PRKCE: variants seen among roughly 807,000 people sequenced by gnomAD.
PRKCE encodes protein kinase C epsilon type.
In PRKCE, 16 loss-of-function variants were observed where a neutral mutation model predicts 85.4. The ratio of observed to expected loss-of-function variants is 0.19; its 90% CI spans 0.13 to 0.28. PRKCE has a LOEUF of 0.28. PRKCE is among the 10% of genes least tolerant of loss of function. PRKCE has a pLI of 1.00. For missense variants in PRKCE, 573 were observed against 975.2 expected, an observed-to-expected ratio of 0.59 and a Z score of 5.49; for synonymous variants, 388 against 371.5, an observed-to-expected ratio of 1.04 and a Z score of -0.51.
At chr2:46,040,017 C>T (rs1486657442) in intron 10 of PRKCE, among the ~76,000 whole-genome samples, 1 of 152,178 alleles carries the variant, frequency 6.6e-6, no homozygotes, top group South Asian at 2.1e-4. Context: ...GAGGGGAGGA[C>T]ATTTAATTTG....
intron 1 of PRKCE, among the ~76,000 whole-genome samples, chr2:45,731,466 GAA>G (rs1300325414): frequency 6.6e-6 from 1 of 152,106 alleles, no homozygotes; most frequent in African/African-American, 2.4e-5. Flanking sequence ...GTCTCTTCAG[GAA>G]ACTGGGAGAA....
At chr2:45,922,974 T>G (rs1345762373) in intron 2 of PRKCE, among the ~76,000 whole-genome samples, 1 of 152,204 alleles carries the variant, frequency 6.6e-6, no homozygotes, top group Non-Finnish European at 1.5e-5. Context: ...TTTACAGGGC[T>G]TGACGATTAT....
intron 10 of PRKCE, among the ~76,000 whole-genome samples, chr2:46,070,371 C>T (rs566157507): frequency 7.2e-5 from 11 of 152,308 alleles, no homozygotes; most frequent in East Asian, 1.9e-4. Flanking sequence ...TGGCTGGGCG[C>T]GGTGGCGCAT....
intron 2 of PRKCE, among the ~76,000 whole-genome samples, chr2:45,918,832 A>G (rs1698030895): frequency 1.3e-5 from 2 of 152,170 alleles, no homozygotes; most frequent in South Asian, 4.1e-4. Flanking sequence ...ACTAGTTTGT[A>G]TTTTGCAGAA....
At chr2:45,885,870 A>G (rs894702167) in intron 2 of PRKCE, among the ~76,000 whole-genome samples, 9 of 152,220 alleles carry the variant, frequency 5.9e-5, no homozygotes, top group South Asian at 2.1e-4. Context: ...GCAAAATCTT[A>G]TTTTAAGTGC....
intron 1 of PRKCE, among the ~76,000 whole-genome samples, chr2:45,802,956 G>A (rs1252028108): frequency 6.6e-6 from 1 of 152,158 alleles, no homozygotes; most frequent in Non-Finnish European, 1.5e-5. Flanking sequence ...CCTTTTTACC[G>A]AGGAAGGCCC....
chr2:45,808,455 G>A (rs1363774152), intron 1 of PRKCE, among the ~76,000 whole-genome samples: 1 of 152,158 alleles, frequency 6.6e-6, no homozygotes, highest in African/African-American at 2.4e-5. Flanking sequence ...TCACATCATT[G>A]GAGGAAACTC....
At chr2:46,064,378 T>C (rs561187076) in intron 10 of PRKCE, among the ~76,000 whole-genome samples, 1 of 152,160 alleles carries the variant, frequency 6.6e-6, no homozygotes, top group South Asian at 2.1e-4. Flanking sequence ...TATTTGCAAA[T>C]GAAGTTCATA....
rs1018639633 is a variant in PRKCE, at chr2:45,789,976, C to T, written c.349-53024C>T. On this transcript the variant is annotated intron_variant, in intron 1 of 14. Coordinates refer to ENST00000306156, the MANE Select transcript of PRKCE (RefSeq NM_005400.3). Reference sequence around the variant, plus strand: ...GAAGGAAAGAAGAGCTTTGATCAAACGCCTGGGACACCAAAGATTTATCTC... The same window carrying T: ...GAAGGAAAGAAGAGCTTTGATCAAATGCCTGGGACACCAAAGATTTATCTC... Among the ~76,000 whole-genome samples, 8 of 152,096 alleles carry T rather than the reference C, an allele frequency of 5.3e-5. 1 individual carries two copies. The highest frequency in any genetic ancestry group is 5.2e-4 in the Admixed American group (8 of 15,272).
intron 2 of PRKCE, among the ~76,000 whole-genome samples, chr2:45,861,012 C>T (rs1355764941): frequency 2.0e-5 from 3 of 152,180 alleles, no homozygotes; most frequent in Non-Finnish European, 4.4e-5. Flanking sequence ...GTTGCAGTAA[C>T]ACTTTCACTT....
At chr2:46,101,910 C>G (rs1671276914) in intron 11 of PRKCE, among the ~76,000 whole-genome samples, 1 of 147,334 alleles carries the variant, frequency 6.8e-6, no homozygotes, top group Non-Finnish European at 1.5e-5. Context: ...GTAGCATTAA[C>G]TGATTTCTAT....
chr2:45,833,775 A>G (rs777930911), intron 1 of PRKCE, among the ~76,000 whole-genome samples: 6 of 152,254 alleles, frequency 3.9e-5, no homozygotes, highest in Admixed American at 3.9e-4. Flanking sequence ...AAAATGCAAA[A>G]TGTGAAATGC....
At chr2:45,929,859 G>A (rs1698905258) in intron 2 of PRKCE, among the ~76,000 whole-genome samples, 1 of 152,066 alleles carries the variant, frequency 6.6e-6, no homozygotes, top group Non-Finnish European at 1.5e-5. Context: ...CATGTTTAGT[G>A]CCTGCATTTC....
In PRKCE at chr2:45,881,770, C is replaced by G. The variant is rs187345332; in HGVS notation, c.412+38707C>G. Among the ~76,000 whole-genome samples the G allele has an allele frequency of 4.6e-5, 7 of 152,340 alleles. No individual in the cohort carries two copies. The East Asian group carries it at 1.4e-3, about 29-fold the overall frequency. On this transcript the variant is annotated intron_variant, in intron 2 of 14. Coordinates refer to ENST00000306156, the MANE Select transcript of PRKCE (RefSeq NM_005400.3). The stretch of plus-strand genomic sequence containing the variant: ...AGTTGCAAACTCAGCCCTTCTGGCT[C>G]TGTGTCCTTAATCTTACTCTTTACT...
intron 1 of PRKCE, among the ~76,000 whole-genome samples, chr2:45,782,203 A>G (rs1171648764): frequency 6.6e-6 from 1 of 152,114 alleles, no homozygotes; most frequent in African/African-American, 2.4e-5. Flanking sequence ...TCAGTGCTTT[A>G]CCAAGCCTCC....
chr2:46,034,527 C>T (rs1466407556), intron 10 of PRKCE, among the ~76,000 whole-genome samples: 1 of 152,206 alleles, frequency 6.6e-6, no homozygotes, highest in Non-Finnish European at 1.5e-5. Context: ...TCCTTCAAAC[C>T]TCAAGCAACA....
At chr2:46,056,231 G>A (rs1419838697) in intron 10 of PRKCE, among the ~76,000 whole-genome samples, 1 of 149,068 alleles carries the variant, frequency 6.7e-6, no homozygotes, top group Non-Finnish European at 1.5e-5. Context: ...CACGGTTAAT[G>A]TTCTTGAACC....
intron 2 of PRKCE, among the ~76,000 whole-genome samples, chr2:45,949,227 C>T (rs540783062): frequency 7.9e-5 from 12 of 152,284 alleles, no homozygotes; most frequent in South Asian, 4.1e-4. Context: ...ACATCCCCAC[C>T]GGCAGTATGC....
At chr2:46,122,891 T>TG (rs1443951675) in intron 11 of PRKCE, among the ~76,000 whole-genome samples, 2 of 149,502 alleles carry the variant, frequency 1.3e-5, no homozygotes, top group South Asian at 4.3e-4. Context: ...GTTTTTTTTT[T>TG]TTTTTTTTTT....
Sources: allele counts gnomAD v4.1 joint callset (sites outside exome capture counted in the v4.1 genomes callset), GRCh38; gene constraint gnomAD v4.1.1; transcripts MANE v1.5; gene names NCBI Gene and HGNC (gene_info 2026-07-23, HGNC 2026-07-21).